The following CRIM1 variants were observed in gnomAD, a reference collection of about 807,000 sequenced individuals.
CRIM1 encodes the protein cysteine rich transmembrane BMP regulator 1.
CRIM1 carries 32 observed loss-of-function variants against 116.4 expected under a neutral mutation model. That is an observed-to-expected ratio of 0.27 (90% CI 0.21 to 0.37). CRIM1 has a LOEUF of 0.37. CRIM1 is among the 10% of genes least tolerant of loss of function. CRIM1 has a pLI of 1.00. For synonymous variants in CRIM1, 590 were observed against 509.2 expected (o/e 1.16, Z -2.13); for missense variants, 1,331 against 1,354.8 (o/e 0.98, Z 0.28).
At chr2:36,391,073 G>A (rs928296777) in intron 1 of CRIM1, among the ~76,000 whole-genome samples, 3 of 147,694 alleles carry the variant, frequency 2.0e-5, no homozygotes, top group African/African-American at 7.5e-5. Context: ...GTCTCCCAAA[G>A]TGCTGGGATT....
Position 36,533,146 on chromosome 2 carries a change from C to G in CRIM1, c.2429-4206C>G, listed in dbSNP as rs576504993. Among the ~76,000 whole-genome samples, 62 of 152,234 alleles carry G rather than the reference C, an allele frequency of 4.1e-4. 1 individual carries two copies. Among genetic ancestry groups the G allele is most frequent in the African/African-American group, 1.5e-3 (61 of 41,542 alleles). ...TGTTTCCCCCAAAAGACTACAGTGACTATTATTTTAATTTATAGAACCTCG... is the reference window on the plus strand; with the variant it reads ...TGTTTCCCCCAAAAGACTACAGTGAGTATTATTTTAATTTATAGAACCTCG... On this transcript the variant is annotated intron_variant, in intron 13 of 16. Coordinates refer to ENST00000280527, the MANE Select transcript of CRIM1 (RefSeq NM_016441.3).
At chr2:36,478,135 T>C (rs1349932153) in intron 6 of CRIM1, among the ~76,000 whole-genome samples, 1 of 152,202 alleles carries the variant, frequency 6.6e-6, no homozygotes, top group Non-Finnish European at 1.5e-5. Flanking sequence ...ATTTACAACA[T>C]AATATTGAAG....
intron 4 of CRIM1, among the ~76,000 whole-genome samples, chr2:36,460,155 A>C (rs1231077792): frequency 1.3e-5 from 2 of 151,930 alleles, no homozygotes; most frequent in Non-Finnish European, 2.9e-5. Context: ...CTGTGGTTAC[A>C]TTATGCAAAA....
chr2:36,501,473 C>G (rs1680988402), intron 8 of CRIM1, among the ~76,000 whole-genome samples: 1 of 152,118 alleles, frequency 6.6e-6, no homozygotes, highest in Non-Finnish European at 1.5e-5. Context: ...AATCCCAGCA[C>G]TTTGGGAGGC....
chr2:36,452,161 A>C (rs1370865918), intron 4 of CRIM1, among the ~76,000 whole-genome samples: 1 of 151,786 alleles, frequency 6.6e-6, no homozygotes, highest in East Asian at 1.9e-4. Context: ...AATTTCCATA[A>C]TTCAGTTCAT....
intron 4 of CRIM1, among the ~76,000 whole-genome samples, chr2:36,451,891 T>G (rs1676759202): frequency 6.6e-6 from 1 of 151,260 alleles, no homozygotes; most frequent in Admixed American, 6.6e-5. Context: ...CAGTTTTAAG[T>G]TTTTTTAGGC....
intron 2 of CRIM1, among the ~76,000 whole-genome samples, chr2:36,411,975 T>C (rs1673244793): frequency 6.6e-6 from 1 of 152,166 alleles, no homozygotes; most frequent in African/African-American, 2.4e-5. Flanking sequence ...TGCAATTAAA[T>C]TGTGTTGTCT....
Position 36,547,081 on chromosome 2 carries a change from T to C in CRIM1, c.2844T>C (p.Ile948=), listed in dbSNP as rs1667402219. ...TTGCCTCAGTTGTGGTTCCCATAATTATATGCCTCTCTATTATAATAGCAT... is the reference window on the plus strand; with the variant it reads ...TTGCCTCAGTTGTGGTTCCCATAATCATATGCCTCTCTATTATAATAGCAT... ...DSIASVVVPI[I]ICLSIIIAFL... is the part of the protein sequence containing the mutation. The change falls in exon 16 of 17, where the codon ATT becomes ATC. Residue 948 remains isoleucine, a synonymous_variant. Coordinates refer to ENST00000280527, the MANE Select transcript of CRIM1 (RefSeq NM_016441.3). 2 of 1,612,118 alleles carry C rather than the reference T, an allele frequency of 1.2e-6. No homozygotes were observed. Among genetic ancestry groups the C allele is most frequent in the African/African-American group, 2.7e-5 (2 of 74,962 alleles).
At chr2:36,365,128 A>C (rs933477746) in intron 1 of CRIM1, among the ~76,000 whole-genome samples, 1 of 152,182 alleles carries the variant, frequency 6.6e-6, no homozygotes, top group African/African-American at 2.4e-5. Context: ...TACAGGGTCT[A>C]TGCACCAAGG....
chr2:36,389,289 A>G (rs1414656284), intron 1 of CRIM1, among the ~76,000 whole-genome samples: 1 of 152,124 alleles, frequency 6.6e-6, no homozygotes, highest in East Asian at 1.9e-4. Context: ...ACTGTATTAG[A>G]TTCCTCCTCG....
intron 1 of CRIM1, among the ~76,000 whole-genome samples, chr2:36,366,087 A>G (rs1264390543): frequency 1.3e-5 from 2 of 152,230 alleles, no homozygotes; most frequent in Non-Finnish European, 2.9e-5. Flanking sequence ...TATCATTTTT[A>G]TCCAGTAAAT....
chr2:36,428,210 A>C (rs1674607083), intron 2 of CRIM1, among the ~76,000 whole-genome samples: 1 of 152,224 alleles, frequency 6.6e-6, no homozygotes, highest in Non-Finnish European at 1.5e-5. Context: ...TTCCCAGGAG[A>C]CTGGGCTTCT....
chr2:36,516,101 G>T (rs1665015393), intron 11 of CRIM1, among the ~76,000 whole-genome samples: 1 of 152,110 alleles, frequency 6.6e-6, no homozygotes, highest in Non-Finnish European at 1.5e-5. Flanking sequence ...TAATTCCCTT[G>T]AGATAAAGCT....
chr2:36,380,377 G>T (rs183680851), intron 1 of CRIM1, among the ~76,000 whole-genome samples: 1 of 152,158 alleles, frequency 6.6e-6, no homozygotes. Context: ...TGCTCCTCTT[G>T]GGTCTGGATG....
chr2:36,409,818 G>C (rs568357251), intron 2 of CRIM1, among the ~76,000 whole-genome samples: 6 of 152,124 alleles, frequency 3.9e-5, no homozygotes, highest in African/African-American at 1.4e-4. Flanking sequence ...AAATATTTGA[G>C]TTTTTTTAAA....
intron 7 of CRIM1, among the ~76,000 whole-genome samples, chr2:36,491,529 T>G (rs1680224623): frequency 6.6e-6 from 1 of 152,210 alleles, no homozygotes; most frequent in East Asian, 1.9e-4. Flanking sequence ...CTTAGGACAA[T>G]TTTGAATGGG....
At chr2:36,380,337 C>T (rs968742095) in intron 1 of CRIM1, among the ~76,000 whole-genome samples, 6 of 152,176 alleles carry the variant, frequency 3.9e-5, no homozygotes, top group Admixed American at 3.9e-4. Flanking sequence ...AGGGATTCAG[C>T]ACTGCCCACT....
intron 13 of CRIM1, among the ~76,000 whole-genome samples, chr2:36,528,083 A>AT (rs1665874450): frequency 6.6e-6 from 1 of 152,210 alleles, no homozygotes; most frequent in Non-Finnish European, 1.5e-5. Context: ...ATGCAAAAAT[A>AT]CTTTATAAAC....
Position 36,356,475 on chromosome 2 carries a change from C to G in CRIM1, c.183C>G (p.Gly61=). 1 of 1,612,200 alleles carries G rather than the reference C, an allele frequency of 6.2e-7. No individual in the cohort carries two copies. Among genetic ancestry groups the G allele is most frequent in the East Asian group, 2.2e-5 (1 of 44,854 alleles). ...CPGSIVQGVC[G]CCYTCASQRN... ...GGAGCATCGTGCAGGGCGTCTGCGG[C>G]TGCTGCTACACGTGCGCCAGCCAGA... Residue 61 remains glycine, a synonymous_variant, in exon 1 of 17, where the codon GGC becomes GGG. Coordinates refer to ENST00000280527, the MANE Select transcript of CRIM1 (RefSeq NM_016441.3). This position sits in a 1 kb window ranked among gnomAD's most constrained non-coding sequence, Gnocchi z 4.3.
Sources: allele counts gnomAD v4.1 joint callset (sites outside exome capture counted in the v4.1 genomes callset), GRCh38; gene constraint gnomAD v4.1.1; non-coding constraint Gnocchi (gnomAD v3.1); transcripts MANE v1.5; gene names NCBI Gene and HGNC (gene_info 2026-07-23, HGNC 2026-07-21).